NXPE2: variants seen among roughly 807,000 people sequenced by gnomAD.
NXPE2 encodes the protein NXPE family member 2.
Under a neutral mutation model 34.4 loss-of-function variants are expected in NXPE2, and 34 were observed. That is an observed-to-expected ratio of 0.99 (90% CI 0.75 to 1.31). The LOEUF (loss-of-function observed/expected upper bound fraction) is 1.31, where lower values mean the gene tolerates loss of function less well. Ranked by LOEUF, NXPE2 falls within the 40% of genes most tolerant of loss-of-function variation. The pLI, the probability that NXPE2 is intolerant of heterozygous loss-of-function variation, is 0.00. For synonymous variants in NXPE2, 235 were observed against 231.3 expected (o/e 1.02, Z -0.15); for missense variants, 649 against 672.5 (o/e 0.97, Z 0.39).
At chr11:114,708,638 A>AAAGAC (rs1859539306), downstream of NXPE2, among the ~76,000 whole-genome samples, 1 of 140,676 alleles carries the variant, frequency 7.1e-6, no homozygotes. Context: ...TCAAAAAAAA[A>AAAGAC]AAGAAAAGAA....
chr11:114,760,020 C>T, the NXPE2 span, among the ~76,000 whole-genome samples: 6 of 151,650 alleles, frequency 4.0e-5, no homozygotes, highest in Non-Finnish European at 5.9e-5. Flanking sequence ...TTTTTCATGG[C>T]GCTTCTAAAT....
chr11:114,636,450 GTC>G, the NXPE2 span, among the ~76,000 whole-genome samples: 1 of 151,918 alleles, frequency 6.6e-6, no homozygotes, highest in Non-Finnish European at 1.5e-5. Context: ...GGTTTTTTGT[GTC>G]TCTATTTCCT....
chr11:114,617,534 C>G, the NXPE2 span, among the ~76,000 whole-genome samples: 6 of 151,172 alleles, frequency 4.0e-5, no homozygotes, highest in East Asian at 2.0e-4. Context: ...TGCCTCGTGG[C>G]TAACCACTGT....
the NXPE2 span, among the ~76,000 whole-genome samples, chr11:114,585,125 C>T: frequency 6.6e-6 from 1 of 151,912 alleles, no homozygotes; most frequent in Non-Finnish European, 1.5e-5. Flanking sequence ...GTTCCATTCT[C>T]ATACCTTCTC....
At chr11:114,485,383 C>CTT in the NXPE2 span, among the ~76,000 whole-genome samples, 11,281 of 89,110 alleles carry the variant, frequency 0.13, 953 homozygotes, top group South Asian at 0.19. Context: ...TAATTTTTGT[C>CTT]TTTTTTTTTT....
the NXPE2 span, among the ~76,000 whole-genome samples, chr11:114,735,172 T>G: frequency 1.2e-4 from 19 of 152,180 alleles, no homozygotes; most frequent in Admixed American, 1.3e-4. Flanking sequence ...TTTGCAATTT[T>G]TCTTAGCATT....
the NXPE2 span, among the ~76,000 whole-genome samples, chr11:114,764,384 G>A: frequency 6.6e-6 from 1 of 151,530 alleles, no homozygotes; most frequent in Admixed American, 6.6e-5. Context: ...TTCTCAGAGT[G>A]AATTGACATG....
At chr11:114,522,116 T>C in the NXPE2 span, 3 of 1,613,986 alleles carry the variant, frequency 1.9e-6, no homozygotes, top group Admixed American at 5.0e-5. Context: ...CATGATAAGA[T>C]AGTGAATATA....
At chr11:114,587,936 T>A in the NXPE2 span, among the ~76,000 whole-genome samples, 13 of 152,276 alleles carry the variant, frequency 8.5e-5, no homozygotes, top group African/African-American at 2.9e-4. Flanking sequence ...GAGCCTTAAT[T>A]TTAATACTAT....
chr11:114,719,643 G>T, the NXPE2 span, among the ~76,000 whole-genome samples: 1 of 152,246 alleles, frequency 6.6e-6, no homozygotes, highest in Non-Finnish European at 1.5e-5. Flanking sequence ...TGGACAATCT[G>T]CAGAAGCAGC....
At chr11:114,751,447 A>G in the NXPE2 span, among the ~76,000 whole-genome samples, 2 of 152,274 alleles carry the variant, frequency 1.3e-5, no homozygotes, top group African/African-American at 4.8e-5. Context: ...ATATCTATAC[A>G]CAGATATATT....
the NXPE2 span, among the ~76,000 whole-genome samples, chr11:114,798,256 A>AAC: frequency 6.6e-6 from 1 of 152,222 alleles, no homozygotes; most frequent in Non-Finnish European, 1.5e-5. Flanking sequence ...TTCTGTCACC[A>AAC]ACAGGTAACA....
chr11:114,709,101 C>T (rs1039047251), downstream of NXPE2, among the ~76,000 whole-genome samples: 1 of 152,092 alleles, frequency 6.6e-6, no homozygotes, highest in African/African-American at 2.4e-5. Flanking sequence ...ACACAGTAGC[C>T]ATTAGTTGCA....
the NXPE2 span, among the ~76,000 whole-genome samples, chr11:114,748,107 G>T: frequency 4.6e-5 from 7 of 152,016 alleles, no homozygotes; most frequent in Non-Finnish European, 1.0e-4. Flanking sequence ...CTTTCTTTTT[G>T]ATCCACTCAT....
chr11:114,494,041 G>A, the NXPE2 span, among the ~76,000 whole-genome samples: 2 of 152,062 alleles, frequency 1.3e-5, no homozygotes, highest in African/African-American at 4.8e-5. Context: ...TGGCCTGTAA[G>A]GTTTCCACTG....
chr11:114,691,195 C>T (rs545441968), intron 2 of NXPE2, among the ~76,000 whole-genome samples: 42 of 152,106 alleles, frequency 2.8e-4, no homozygotes, highest in Admixed American at 9.2e-4. Flanking sequence ...TCTCATCTGA[C>T]GGAGTTGACA....
the NXPE2 span, among the ~76,000 whole-genome samples, chr11:114,626,996 C>T: frequency 6.6e-6 from 1 of 152,012 alleles, no homozygotes; most frequent in Non-Finnish European, 1.5e-5. Flanking sequence ...ATGAACAAAG[C>T]CTCCGAGAAA....
At chr11:114,651,527 G>C in the NXPE2 span, among the ~76,000 whole-genome samples, 771 of 152,332 alleles carry the variant, frequency 5.1e-3, 7 homozygotes, top group Middle Eastern at 0.017. Flanking sequence ...GCATGGAAGA[G>C]AATCCGAAAA....
the NXPE2 span, chr11:114,521,596 T>C: frequency 5.7e-6 from 1 of 174,266 alleles, no homozygotes; most frequent in Non-Finnish European, 1.2e-5. Context: ...GGAGTGATTA[T>C]TGCTAATGGG....
Sources: gnomAD v4.1 joint callset for allele counts (sites outside exome capture counted in the v4.1 genomes callset) on GRCh38, gnomAD v4.1.1 for gene constraint, MANE v1.5 for transcripts, NCBI Gene and HGNC (gene_info 2026-07-23, HGNC 2026-07-21) for gene names.